STRADB: variants seen among roughly 807,000 people sequenced by gnomAD.
STRADB encodes STE20-related kinase adapter protein beta.
Under a neutral mutation model 52.1 loss-of-function variants are expected in STRADB, and 34 were observed. The ratio of observed to expected loss-of-function variants is 0.65; its 90% CI spans 0.50 to 0.87. The LOEUF is 0.87. STRADB is among the 40% of genes least tolerant of loss of function. The pLI is 0.00. For missense variants in STRADB, 340 were observed against 483.9 expected, an observed-to-expected ratio of 0.70 and a Z score of 2.79; for synonymous variants, 133 against 174.5, an observed-to-expected ratio of 0.76 and a Z score of 1.87.
At chr2:201,458,909 C>G (rs1263413232) in intron 3 of STRADB, 45 bp downstream of exon 3, 1 of 1,550,826 alleles carries the variant, frequency 6.4e-7, no homozygotes, top group South Asian at 1.1e-5. Flanking sequence ...CACCTGTAAT[C>G]CCAACACTCT....
chr2:201,460,846 A>G, intron 3 of STRADB: 1 of 257,162 alleles, frequency 3.9e-6, no homozygotes, highest in South Asian at 4.0e-5. Context: ...ATATCTCTTC[A>G]ATATACTGAT....
At position 201,473,919 on chromosome 2, in the gene STRADB, C is replaced by T. The variant is rs191610710; in HGVS notation, c.316-728C>T. Among the ~76,000 whole-genome samples the T allele has an allele frequency of 1.6e-3, 204 of 128,446 alleles. 4 individuals carry two copies. The highest frequency in any genetic ancestry group is 5.9e-3 in the African/African-American group (196 of 33,480). 84.3% of individuals were successfully genotyped at this position (128,446 alleles called of 152,430 possible). ...TTTTTTTTTTTTTTCGAGACGGAGT[C>T]TTGCTCAGTCGCCCAGGCTGGAGTG... On this transcript the variant is annotated intron_variant, in intron 5 of 11. Transcript: ENST00000194530.
At chr2:201,478,988 G>A (rs1952526834) in intron 10 of STRADB, among the ~76,000 whole-genome samples, 1 of 151,902 alleles carries the variant, frequency 6.6e-6, no homozygotes, top group Non-Finnish European at 1.5e-5. Context: ...GAGGAGAATT[G>A]CTTGAACCCA....
chr2:201,457,021 C>T lies in STRADB; in HGVS notation c.13-1763C>T, dbSNP rs866933655. ...TGCTAGCAAGTAACAAAATTCCAGTCTCCCAGAAAAAAAGCCAGGTGTTCA... is the reference window on the plus strand; with the variant it reads ...TGCTAGCAAGTAACAAAATTCCAGTTTCCCAGAAAAAAAGCCAGGTGTTCA... On this transcript the variant is annotated intron_variant, in intron 2 of 11. Transcript: ENST00000194530. Among the ~76,000 whole-genome samples the T allele has an allele frequency of 3.3e-5, 5 of 152,106 alleles. No individual in the cohort carries two copies. In the Middle Eastern group the frequency reaches 9.5e-3, roughly 289 times the overall value.
intron 2 of STRADB, among the ~76,000 whole-genome samples, 192 bp downstream of exon 2, chr2:201,455,044 C>A (rs1227434701): frequency 6.6e-6 from 1 of 152,172 alleles, no homozygotes; most frequent in African/African-American, 2.4e-5. Flanking sequence ...TAAAGAACTT[C>A]TCGTATACTT....
chr2:201,477,515 G>A, intron 7 of STRADB, 104 bp from the exon 8 acceptor site: 1 of 1,162,810 alleles, frequency 8.6e-7, no homozygotes, highest in South Asian at 1.5e-5. Flanking sequence ...TTTGTAAAGG[G>A]TATTTAATTT....
intron 10 of STRADB, among the ~76,000 whole-genome samples, chr2:201,478,919 C>CA (rs1398720483): frequency 6.6e-6 from 1 of 151,822 alleles, no homozygotes; most frequent in African/African-American, 2.4e-5. Context: ...ACTAAAAATA[C>CA]AAAAATTAGC....
intron 7 of STRADB, among the ~76,000 whole-genome samples, chr2:201,477,216 C>T (rs908790085): frequency 6.6e-6 from 1 of 151,186 alleles, no homozygotes; most frequent in Non-Finnish European, 1.5e-5. Context: ...AGGCACCTGC[C>T]ACCACGCCTG....
At chr2:201,475,352 A>AAT (rs1553628207) in intron 6 of STRADB, among the ~76,000 whole-genome samples, 6 of 151,428 alleles carry the variant, frequency 4.0e-5, no homozygotes, top group Non-Finnish European at 8.8e-5. Flanking sequence ...GAAAAAAAAA[A>AAT]ATATATATAT....
At position 201,479,349 on chromosome 2, in the gene STRADB, G is replaced by T. The variant is rs1952533308; in HGVS notation, c.1071-140G>T. 4.3e-6 allele frequency: 3 copies of T among 696,192 alleles called. No individual in the cohort carries two copies. The South Asian group carries it at 5.7e-5, about 13-fold the overall frequency. 43.1% of individuals were successfully genotyped at this position (696,192 alleles called of 1,614,324 possible). On this transcript the variant is annotated intron_variant, in intron 10 of 11. Transcript: ENST00000194530. The stretch of plus-strand genomic sequence containing the variant: ...TTAGTCAAGGTTGTAGCTAAGAATT[G>T]GGCTTCTGACATACATTCTTTTTAA...
intron 3 of STRADB, among the ~76,000 whole-genome samples, chr2:201,464,930 C>T (rs747289088): frequency 2.0e-5 from 3 of 152,196 alleles, no homozygotes; most frequent in South Asian, 2.1e-4. Context: ...ACTTGAGGCC[C>T]GAGGGCTCTT....
intron 7 of STRADB, among the ~76,000 whole-genome samples, chr2:201,476,790 G>A (rs1480685462): frequency 1.0e-3 from 156 of 149,712 alleles, no homozygotes; most frequent in Admixed American, 6.2e-3. Context: ...GCCTGGCCAA[G>A]ATGGTGAAAC....
At chr2:201,458,446 C>A (rs967313881) in intron 2 of STRADB, among the ~76,000 whole-genome samples, 1 of 152,092 alleles carries the variant, frequency 6.6e-6, no homozygotes, top group African/African-American at 2.4e-5. Context: ...GCTAAATATT[C>A]AGAAGAAAAC....
At chr2:201,477,959 G>T in intron 8 of STRADB, 128 bp from the exon 9 acceptor site, 1 of 1,142,538 alleles carries the variant, frequency 8.8e-7, no homozygotes, top group South Asian at 1.6e-5. Context: ...TATGAAGTGT[G>T]TCTTGATTTG....
chr2:201,480,338 T>C lies in STRADB; in HGVS notation c.*163T>C. 1 of 1,467,740 alleles carries C rather than the reference T, an allele frequency of 6.8e-7. No homozygotes were observed. The highest frequency in any genetic ancestry group is 9.0e-7 in the Non-Finnish European group (1 of 1,115,002). 90.9% of individuals were successfully genotyped at this position (1,467,740 alleles called of 1,614,324 possible). On this transcript the variant is annotated 3_prime_UTR_variant, in exon 12 of 12. Coordinates refer to ENST00000194530, the MANE Select transcript of STRADB (RefSeq NM_018571.6). ...CTCTGTTCAAAGGGGCACCAGTTTG[T>C]AGTCCCTCTGTTTCGCACAGAGTAC... is the stretch of plus-strand genomic sequence containing the variant.
intron 1 of STRADB, among the ~76,000 whole-genome samples, chr2:201,452,942 TAA>T (rs1952070951): frequency 6.6e-6 from 1 of 152,258 alleles, no homozygotes; most frequent in Admixed American, 6.5e-5. Flanking sequence ...ATACGAAATA[TAA>T]GTCTCTTAAA....
In STRADB at chr2:201,471,149, A is replaced by T. The variant is rs527315936; in HGVS notation, c.193+1097A>T. Among the ~76,000 whole-genome samples the T allele has an allele frequency of 4.6e-5, 7 of 152,334 alleles. No homozygotes were observed. The South Asian group carries it at 1.2e-3, about 27-fold the overall frequency. On this transcript the variant is annotated intron_variant, in intron 4 of 11. Transcript: ENST00000194530. ...CCTTTTTGAAATAACACAAAGTGGCAAATGCCCCAAAATTAGAAAGGAGTT... is the reference window on the plus strand; with the variant it reads ...CCTTTTTGAAATAACACAAAGTGGCTAATGCCCCAAAATTAGAAAGGAGTT...
intron 4 of STRADB, 121 bp downstream of exon 4, chr2:201,470,173 T>C: frequency 1.4e-6 from 1 of 713,158 alleles, no homozygotes; most frequent in Non-Finnish European, 2.4e-6. Context: ...AGATGCTAAT[T>C]GTGTCAGTCA....
intron 1 of STRADB, among the ~76,000 whole-genome samples, chr2:201,453,199 TG>T (rs1415401472): frequency 6.6e-6 from 1 of 152,340 alleles, no homozygotes; most frequent in East Asian, 1.9e-4. Flanking sequence ...AGATTGTGTC[TG>T]TTTCTTCTGA....
Sources: gnomAD v4.1 joint callset for allele counts (sites outside exome capture counted in the v4.1 genomes callset) on GRCh38, gnomAD v4.1.1 for gene constraint, MANE v1.5 for transcripts, NCBI Gene and HGNC (gene_info 2026-07-23, HGNC 2026-07-21) for gene names.